CREB5: variants seen among roughly 807,000 people sequenced by gnomAD.
CREB5 encodes the protein cAMP responsive element binding protein 5, also known as cyclic AMP-responsive element-binding protein 5.
In CREB5, 19 loss-of-function variants were observed where a neutral mutation model predicts 57.1. The ratio of observed to expected loss-of-function variants is 0.33; its 90% CI spans 0.23 to 0.49. The LOEUF (loss-of-function observed/expected upper bound fraction) is 0.49. Among genes scored for constraint, CREB5 ranks in the 20% least tolerant of loss-of-function variants. CREB5 has a pLI of 0.99. For synonymous variants in CREB5, 238 were observed against 238.3 expected (o/e 1.00, Z 0.01); for missense variants, 579 against 671.6 (o/e 0.86, Z 1.52).
intron 1 of CREB5, among the ~76,000 whole-genome samples, chr7:28,441,625 T>C (rs895968012): frequency 6.6e-6 from 1 of 152,220 alleles, no homozygotes; most frequent in Admixed American, 6.5e-5. Flanking sequence ...AGTGAATATT[T>C]GGTATGTGGC....
chr7:28,739,902 C>T (rs953093587), intron 7 of CREB5, among the ~76,000 whole-genome samples: 13 of 152,222 alleles, frequency 8.5e-5, no homozygotes, highest in Non-Finnish European at 1.9e-4. Context: ...TCCCCACTGG[C>T]ATATTCATTA....
At chr7:28,720,142 A>G (rs1187160207) in intron 6 of CREB5, among the ~76,000 whole-genome samples, 1 of 152,208 alleles carries the variant, frequency 6.6e-6, no homozygotes, top group African/African-American at 2.4e-5. Context: ...CTTTCCTTGC[A>G]TGGACCTCTT....
At chr7:28,637,386 G>A (rs905067378) in intron 5 of CREB5, among the ~76,000 whole-genome samples, 1 of 152,118 alleles carries the variant, frequency 6.6e-6, no homozygotes, top group East Asian at 1.9e-4. Flanking sequence ...CAACATAAAA[G>A]TTTGCTCTCA....
At chr7:28,548,722 C>G (rs1345924695) in intron 4 of CREB5, among the ~76,000 whole-genome samples, 1 of 152,170 alleles carries the variant, frequency 6.6e-6, no homozygotes. Flanking sequence ...ACCAGCTGTC[C>G]TAAGGGCCAA....
chr7:28,808,588 G>C (rs376839549), intron 8 of CREB5, among the ~76,000 whole-genome samples: 121 of 152,174 alleles, frequency 8.0e-4, no homozygotes, highest in African/African-American at 2.9e-3. Flanking sequence ...GCCCAGGCTG[G>C]AGTGCAGTGG....
intron 1 of CREB5, among the ~76,000 whole-genome samples, chr7:28,372,391 G>A (rs901378096): frequency 6.6e-6 from 1 of 152,152 alleles, no homozygotes; most frequent in African/African-American, 2.4e-5. Flanking sequence ...TATTCCTCAA[G>A]GAGACAAAGA....
chr7:28,587,509 TAC>T (rs1261310675), intron 5 of CREB5, among the ~76,000 whole-genome samples: 2 of 141,856 alleles, frequency 1.4e-5, no homozygotes, highest in Non-Finnish European at 3.0e-5. Flanking sequence ...TTAAAAAAAA[TAC>T]ATTTTGTAAA....
intron 1 of CREB5, among the ~76,000 whole-genome samples, chr7:28,314,792 C>T (rs1342381223): frequency 1.3e-5 from 2 of 152,190 alleles, no homozygotes; most frequent in Non-Finnish European, 2.9e-5. Flanking sequence ...ACTGGATCAC[C>T]GGTGTGCAAT....
chr7:28,613,402 A>C (rs1461002369), intron 5 of CREB5, among the ~76,000 whole-genome samples: 1 of 152,232 alleles, frequency 6.6e-6, no homozygotes, highest in Non-Finnish European at 1.5e-5. Flanking sequence ...TGAGGCTTAA[A>C]TTGTGACCTA....
At chr7:28,387,755 A>G (rs1787141117) in intron 1 of CREB5, among the ~76,000 whole-genome samples, 1 of 151,928 alleles carries the variant, frequency 6.6e-6, no homozygotes, top group African/African-American at 2.4e-5. Context: ...CATGTAATAA[A>G]CCCATGTAAT....
At chr7:28,308,125 C>T (rs976711642) in intron 1 of CREB5, among the ~76,000 whole-genome samples, 4 of 152,108 alleles carry the variant, frequency 2.6e-5, no homozygotes, top group Non-Finnish European at 5.9e-5. Flanking sequence ...ATCAGGCAGC[C>T]TTAGGGGCCC....
chr7:28,795,607 A>G (rs1431796638), intron 7 of CREB5, among the ~76,000 whole-genome samples: 1 of 152,206 alleles, frequency 6.6e-6, no homozygotes. Flanking sequence ...GTGGCATCAT[A>G]ATGAATATTA....
intron 1 of CREB5, among the ~76,000 whole-genome samples, chr7:28,340,871 A>G (rs1785922956): frequency 6.6e-6 from 1 of 152,210 alleles, no homozygotes; most frequent in South Asian, 2.1e-4. Context: ...CTCAGTGGGC[A>G]TCAGTTGAGT....
chr7:28,764,833 A>C (rs1447528069), intron 7 of CREB5, among the ~76,000 whole-genome samples: 1 of 152,208 alleles, frequency 6.6e-6, no homozygotes, highest in Middle Eastern at 3.2e-3. Flanking sequence ...TAAAGAATTT[A>C]TTTCTGAGAA....
intron 4 of CREB5, among the ~76,000 whole-genome samples, chr7:28,563,004 T>C (rs1384329853): frequency 6.6e-6 from 1 of 152,200 alleles, no homozygotes; most frequent in East Asian, 1.9e-4. Context: ...GCTGAGCTTT[T>C]CCACTTATTG....
chr7:28,571,391 C>T lies in CREB5; in HGVS notation c.464+854C>T, dbSNP rs143698231. On this transcript the variant is annotated intron_variant, in intron 5 of 10. Coordinates refer to ENST00000357727, the MANE Select transcript of CREB5 (RefSeq NM_182898.4). ...TCTTGTAACTGCCTCCTTACTAGCC[C>T]TCTCCTTCCTGTTACTGCCTCCTTA... 1.4e-3 allele frequency among the ~76,000 whole-genome samples: 212 copies of T among 152,238 alleles called. 1 individual carries two copies. The highest frequency in any genetic ancestry group is 6.8e-3 in the Middle Eastern group (2 of 294).
intron 5 of CREB5, among the ~76,000 whole-genome samples, chr7:28,631,136 G>A (rs1220055736): frequency 1.3e-5 from 2 of 152,142 alleles, no homozygotes; most frequent in Admixed American, 1.3e-4. Flanking sequence ...GTGTATCTTG[G>A]TCAGGGCCAT....
At chr7:28,545,468 C>A (rs577280923) in intron 4 of CREB5, among the ~76,000 whole-genome samples, 1 of 152,290 alleles carries the variant, frequency 6.6e-6, no homozygotes, top group African/African-American at 2.4e-5. Flanking sequence ...TTACATTAGC[C>A]TATACAGAGA....
intron 5 of CREB5, among the ~76,000 whole-genome samples, chr7:28,647,481 C>T (rs994527871): frequency 6.6e-6 from 1 of 152,084 alleles, no homozygotes; most frequent in Non-Finnish European, 1.5e-5. Flanking sequence ...TGGTCCTAAA[C>T]ATGGGAGATA....
Sources: allele counts gnomAD v4.1 joint callset (sites outside exome capture counted in the v4.1 genomes callset), GRCh38; gene constraint gnomAD v4.1.1; transcripts MANE v1.5; gene names NCBI Gene and HGNC (gene_info 2026-07-23, HGNC 2026-07-21).